Variants in ANGPT1 observed in about 807,000 individuals in gnomAD.
ANGPT1 encodes angiopoietin-1.
A neutral mutation model predicts 62.2 loss-of-function variants in ANGPT1; 17 were observed. The observed-to-expected ratio is 0.27, with a 90% confidence interval of 0.19 to 0.41. The LOEUF (loss-of-function observed/expected upper bound fraction) is 0.41, where lower values mean the gene tolerates loss of function less well. Among genes scored for constraint, ANGPT1 ranks in the 10% least tolerant of loss-of-function variants. The pLI is 1.00. For synonymous variants in ANGPT1, 199 were observed against 198.9 expected (o/e 1.00, Z 0.00); for missense variants, 478 against 594.9 (o/e 0.80, Z 2.04).
At chr8:107,325,860 G>C (rs1815274847) in intron 3 of ANGPT1, among the ~76,000 whole-genome samples, 1 of 151,992 alleles carries the variant, frequency 6.6e-6, no homozygotes. Context: ...CAGTAAAGAA[G>C]GTGGGCTTGT....
intron 1 of ANGPT1, among the ~76,000 whole-genome samples, chr8:107,465,993 G>A (rs756367917): frequency 4.6e-5 from 7 of 152,166 alleles, no homozygotes; most frequent in Admixed American, 6.5e-5. Flanking sequence ...CTGGTTAGCC[G>A]TTCCACTGTC....
intron 4 of ANGPT1, among the ~76,000 whole-genome samples, chr8:107,312,802 G>A (rs560740762): frequency 3.9e-5 from 6 of 152,194 alleles, no homozygotes; most frequent in Admixed American, 1.3e-4. Context: ...TAAGCAATCT[G>A]ACAGCAGAGC....
chr8:107,319,092 G>A (rs1448517891), intron 4 of ANGPT1, among the ~76,000 whole-genome samples: 2 of 152,134 alleles, frequency 1.3e-5, no homozygotes, highest in African/African-American at 2.4e-5. Context: ...GTCCATCGAA[G>A]GAGAAAGAAG....
At chr8:107,260,902 C>A (rs1384969947) in intron 8 of ANGPT1, among the ~76,000 whole-genome samples, 1 of 152,118 alleles carries the variant, frequency 6.6e-6, no homozygotes, top group Non-Finnish European at 1.5e-5. Flanking sequence ...GAAATAAAAT[C>A]ATAAATCTGA....
rs546928880 is a variant in ANGPT1, at chr8:107,469,641, C to T, written c.297+27621G>A. On this transcript the variant is annotated intron_variant, in intron 1 of 8. Coordinates refer to ENST00000517746, the MANE Select transcript of ANGPT1 (RefSeq NM_001146.5). ...TGGAGAAAAATATCATTAATTATGT[C>T]ATCTTTGAAAAGAAAGAATAGCAAT... 5.9e-5 allele frequency among the ~76,000 whole-genome samples: 9 copies of T among 152,072 alleles called. No individual in the cohort carries two copies. In the East Asian group the frequency reaches 1.7e-3, roughly 29 times the overall value.
At chr8:107,268,168 C>A (rs937760422) in intron 7 of ANGPT1, among the ~76,000 whole-genome samples, 2 of 152,062 alleles carry the variant, frequency 1.3e-5, no homozygotes, top group Admixed American at 1.3e-4. Flanking sequence ...TAGAGAAAGG[C>A]CTCAATGTTC....
At chr8:107,310,738 T>C (rs1187998670) in intron 4 of ANGPT1, among the ~76,000 whole-genome samples, 2 of 152,118 alleles carry the variant, frequency 1.3e-5, no homozygotes, top group South Asian at 4.1e-4. Flanking sequence ...AGCAGCCATA[T>C]TGGATTTTAT....
At chr8:107,286,619 CT>C in intron 6 of ANGPT1, among the ~76,000 whole-genome samples, 1 of 152,142 alleles carries the variant, frequency 6.6e-6, no homozygotes, top group East Asian at 1.9e-4. Context: ...TATGTGTACA[CT>C]TTTAAAGTTA....
intron 1 of ANGPT1, among the ~76,000 whole-genome samples, chr8:107,412,901 A>T (rs1810625128): frequency 6.6e-6 from 1 of 152,182 alleles, no homozygotes; most frequent in Non-Finnish European, 1.5e-5. Context: ...TTGAATGAAT[A>T]AACAAATGGA....
intron 1 of ANGPT1, among the ~76,000 whole-genome samples, chr8:107,396,323 T>C (rs1439531638): frequency 6.6e-5 from 10 of 152,100 alleles, no homozygotes; most frequent in Non-Finnish European, 1.3e-4. Flanking sequence ...CCCTTGTAGA[T>C]ATTGACTTAA....
At chr8:107,265,544 T>A (rs192435924) in intron 7 of ANGPT1, among the ~76,000 whole-genome samples, 1 of 152,332 alleles carries the variant, frequency 6.6e-6, no homozygotes, top group East Asian at 1.9e-4. Flanking sequence ...AGGTGTTCTC[T>A]GGCTAAGACT....
intron 5 of ANGPT1, among the ~76,000 whole-genome samples, chr8:107,301,533 T>A (rs1018345676): frequency 6.6e-5 from 10 of 151,944 alleles, no homozygotes; most frequent in Non-Finnish European, 1.3e-4. Context: ...CTTCATCTCC[T>A]CATTCCCAGA....
At chr8:107,375,274 A>C (rs893443038) in intron 1 of ANGPT1, among the ~76,000 whole-genome samples, 3 of 152,252 alleles carry the variant, frequency 2.0e-5, no homozygotes, top group Non-Finnish European at 2.9e-5. Flanking sequence ...AAGGTTGTTG[A>C]AAACCCTTAA....
intron 1 of ANGPT1, among the ~76,000 whole-genome samples, chr8:107,409,753 T>C (rs1160014399): frequency 6.6e-6 from 1 of 151,926 alleles, no homozygotes; most frequent in Non-Finnish European, 1.5e-5. Flanking sequence ...AAGTCCATTA[T>C]CTTTAGCACT....
chr8:107,356,670 C>A (rs1816053502), intron 1 of ANGPT1, among the ~76,000 whole-genome samples: 1 of 152,184 alleles, frequency 6.6e-6, no homozygotes, highest in South Asian at 2.1e-4. Flanking sequence ...AGAAAGGACT[C>A]TGGGAAGACT....
chr8:107,313,102 T>C (rs1173077508), intron 4 of ANGPT1, among the ~76,000 whole-genome samples: 2 of 151,962 alleles, frequency 1.3e-5, no homozygotes, highest in Non-Finnish European at 2.9e-5. Context: ...ATCCCACTTG[T>C]GAAAATGGAA....
chr8:107,269,302 G>C (rs1274184812), intron 7 of ANGPT1, among the ~76,000 whole-genome samples: 1 of 151,294 alleles, frequency 6.6e-6, no homozygotes, highest in Non-Finnish European at 1.5e-5. Flanking sequence ...AAGTATTTCT[G>C]TAATTAGATT....
rs1813252265 is a variant in ANGPT1, at chr8:107,251,747, TGGAA to T, written c.*104_*107del. On this transcript the variant is annotated 3_prime_UTR_variant, in exon 9 of 9. Transcript: ENST00000517746. The stretch of plus-strand genomic sequence containing the variant: ...ACTTCACATAACTACCACTTATTGC[TGGAA>T]GGGAGACAATATTGTTTGCTTCTGA... 1 of 1,366,762 alleles carries T rather than the reference TGGAA, an allele frequency of 7.3e-7. No individual in the cohort carries two copies. The highest frequency in any genetic ancestry group is 1.0e-6 in the Non-Finnish European group (1 of 995,334). 84.7% of individuals were successfully genotyped at this position (1,366,762 alleles called of 1,614,324 possible).
In ANGPT1 at chr8:107,370,340, A is replaced by AAAG. The variant is rs1554586949; in HGVS notation, c.298-23244_298-23243insCTT. 3.7e-5 allele frequency among the ~76,000 whole-genome samples: 2 copies of AAAG among 54,402 alleles called. 1 individual carries two copies. Among genetic ancestry groups the AAAG allele is most frequent in the Non-Finnish European group, 6.9e-5 (2 of 28,884 alleles). The allele number at this position is 54,402 out of a possible 152,430, so 35.7% of individuals were successfully genotyped here. A position where few individuals can be genotyped will look rare whatever the true frequency, so the allele number is the denominator to read the frequency against. On this transcript the variant is annotated intron_variant, in intron 1 of 8. Coordinates refer to ENST00000517746, the MANE Select transcript of ANGPT1 (RefSeq NM_001146.5). ...GAAGGAAAGAGAAAGGAAAGAAAGAAAAAGAAAGAAAGAAAGAAAGAAAGA... is the reference window on the plus strand; with the variant it reads ...GAAGGAAAGAGAAAGGAAAGAAAGAAAAGAAAGAAAGAAAGAAAGAAAGAAAGA...
Sources: gnomAD v4.1 joint callset for allele counts (sites outside exome capture counted in the v4.1 genomes callset) on GRCh38, gnomAD v4.1.1 for gene constraint, MANE v1.5 for transcripts, NCBI Gene and HGNC (gene_info 2026-07-23, HGNC 2026-07-21) for gene names.